The following UGT1A4 variants were observed in gnomAD, a reference collection of about 807,000 sequenced individuals.
UGT1A4 encodes UDP-glucuronosyltransferase 1A4.
Under a neutral mutation model 41.1 loss-of-function variants are expected in UGT1A4, and 32 were observed. The ratio of observed to expected loss-of-function variants is 0.78; its 90% CI spans 0.59 to 1.05. UGT1A4 has a LOEUF of 1.05. UGT1A4 is among the 50% of genes least tolerant of loss of function. UGT1A4 has a pLI of 0.00. For missense variants in UGT1A4, 748 were observed against 677.4 expected, an observed-to-expected ratio of 1.10 and a Z score of -1.16; for synonymous variants, 283 against 265.1, an observed-to-expected ratio of 1.07 and a Z score of -0.66.
intron 1 of UGT1A4, chr2:233,747,878 C>A: frequency 6.2e-7 from 1 of 1,613,056 alleles, no homozygotes; most frequent in South Asian, 1.1e-5. Context: ...CCCTGTCCTA[C>A]CTTTGCCATG....
chr2:233,749,412 T>C lies in UGT1A4; in HGVS notation c.868-17622T>C, dbSNP rs1409999979. 3.9e-5 allele frequency among the ~76,000 whole-genome samples: 6 copies of C among 151,952 alleles called. No individual in the cohort carries two copies. The East Asian group carries it at 1.2e-3, about 29-fold the overall frequency. On this transcript the variant is annotated intron_variant, in intron 1 of 4. Transcript: ENST00000373409. ...TGTGAACATATTCTCTAGTGTTAACTACATTGCTCAAAACTTCACTGTCAT... is the reference window on the plus strand; with the variant it reads ...TGTGAACATATTCTCTAGTGTTAACCACATTGCTCAAAACTTCACTGTCAT...
intron 1 of UGT1A4, among the ~76,000 whole-genome samples, chr2:233,722,881 G>T (rs2077046984): frequency 7.8e-5 from 9 of 115,512 alleles, no homozygotes; most frequent in Admixed American, 2.8e-4. Context: ...TAAATTTATT[G>T]CTCATTAAGT....
intron 1 of UGT1A4, among the ~76,000 whole-genome samples, chr2:233,731,096 C>A (rs1335372284): frequency 6.6e-6 from 1 of 151,962 alleles, no homozygotes; most frequent in African/African-American, 2.4e-5. Flanking sequence ...TATTTCTGTG[C>A]CTTTTTTATA....
At chr2:233,733,656 C>T (rs1449340604) in intron 1 of UGT1A4, among the ~76,000 whole-genome samples, 11 of 152,054 alleles carry the variant, frequency 7.2e-5, no homozygotes, top group African/African-American at 1.7e-4. Context: ...AGGATGAAGC[C>T]GACTTGATCG....
Position 233,719,190 on chromosome 2 carries a change from C to T in UGT1A4, c.370C>T (p.Leu124Phe), listed in dbSNP as rs772886660. Reference sequence around the variant, plus strand: ...AATTATGAACAATGTATCTTTGGCCCTTCATAGGTGTTGTGTGGAGCTACT... The same window carrying T: ...AATTATGAACAATGTATCTTTGGCCTTTCATAGGTGTTGTGTGGAGCTACT... ...MAIMNNVSLA[L>F]HRCCVELLHN... Residue 124 changes from leucine (L) to phenylalanine (F), a missense_variant, in exon 1 of 5, where the codon CTT (leucine) becomes TTT (phenylalanine). Coordinates refer to ENST00000373409, the MANE Select transcript of UGT1A4 (RefSeq NM_007120.3). The T allele has an allele frequency of 1.2e-6, 2 of 1,614,200 alleles. No homozygotes were observed. The highest frequency in any genetic ancestry group is 1.7e-6 in the Non-Finnish European group (2 of 1,180,028).
chr2:233,754,906 T>C, intron 1 of UGT1A4: 3 of 1,351,506 alleles, frequency 2.2e-6, no homozygotes, highest in South Asian at 1.1e-5. Flanking sequence ...CCCCCCAAAA[T>C]ATTCTCCAGC....
intron 1 of UGT1A4, among the ~76,000 whole-genome samples, chr2:233,745,064 T>C (rs1693002453): frequency 6.6e-6 from 1 of 151,912 alleles, no homozygotes; most frequent in Non-Finnish European, 1.5e-5. Flanking sequence ...TTTGTATTAT[T>C]TGTATTGTTT....
At chr2:233,761,124 C>G (rs1406825274) in intron 1 of UGT1A4, 1 of 1,614,202 alleles carries the variant, frequency 6.2e-7, no homozygotes. Flanking sequence ...GTGGAATCAA[C>G]TGCCTTCACC....
intron 1 of UGT1A4, chr2:233,747,579 G>A (rs1304501240): frequency 1.5e-5 from 24 of 1,582,358 alleles, no homozygotes; most frequent in Non-Finnish European, 2.0e-5. Context: ...TTCATCTTTG[G>A]TCTTTCATAG....
chr2:233,720,875 T>C (rs1162518067), intron 1 of UGT1A4, among the ~76,000 whole-genome samples: 2 of 150,264 alleles, frequency 1.3e-5, no homozygotes, highest in East Asian at 3.9e-4. Context: ...CTGGCAATTT[T>C]TTTTTTTTTT....
At chr2:233,747,483 C>G (rs993277218) in intron 1 of UGT1A4, 3 of 1,608,496 alleles carry the variant, frequency 1.9e-6, no homozygotes, top group Non-Finnish European at 1.7e-6. Flanking sequence ...TGAATTTGAT[C>G]GCCTTGTGCT....
At chr2:233,754,911 T>G (rs1467040876) in intron 1 of UGT1A4, 5 of 1,353,490 alleles carry the variant, frequency 3.7e-6, no homozygotes, top group Non-Finnish European at 5.0e-6. Flanking sequence ...CAAAATATTC[T>G]CCAGCGGGTT....
At position 233,769,030 on chromosome 2, in the gene UGT1A4, A is replaced by G. The variant is rs1369352074; in HGVS notation, c.1307+591A>G. 1.3e-5 allele frequency among the ~76,000 whole-genome samples: 2 copies of G among 152,206 alleles called. No homozygotes were observed. Among genetic ancestry groups the G allele is most frequent in the African/African-American group, 4.8e-5 (2 of 41,454 alleles). On this transcript the variant is annotated intron_variant, in intron 4 of 4. Transcript: ENST00000373409. The surrounding 1 kb of genome is among the most constrained non-coding windows in gnomAD (Gnocchi z 4.4). ...CCAATTTACATAAAAAGTTGCCATAATAGACATCTGATCCATAAGTTTCCT... is the reference window on the plus strand; with the variant it reads ...CCAATTTACATAAAAAGTTGCCATAGTAGACATCTGATCCATAAGTTTCCT...
In UGT1A4 at chr2:233,754,158, G is replaced by A. The variant is rs28900389; in HGVS notation, c.868-12876G>A. 9.6e-3 allele frequency: 1,492 copies of A among 156,116 alleles called. 22 individuals carry two copies. The highest frequency in any genetic ancestry group is 0.034 in the African/African-American group (1,420 of 41,562). 9.7% of individuals were successfully genotyped at this position (156,116 alleles called of 1,614,324 possible). A position where few individuals can be genotyped will look rare whatever the true frequency, so the allele number is the denominator to read the frequency against. On this transcript the variant is annotated intron_variant, in intron 1 of 4. Transcript: ENST00000373409. The stretch of plus-strand genomic sequence containing the variant: ...AAAGCCATCATTAAATTAAGCCAGA[G>A]TATTAATATATTCATAGATTTCACC...
At chr2:233,767,802 T>C in intron 2 of UGT1A4, 47 bp from the exon 3 acceptor site, 1 of 1,614,174 alleles carries the variant, frequency 6.2e-7, no homozygotes, top group East Asian at 2.2e-5. Flanking sequence ...TGTTTTCTAA[T>C]CATATTATGT....
intron 1 of UGT1A4, among the ~76,000 whole-genome samples, chr2:233,727,284 G>C (rs1269402383): frequency 2.6e-5 from 4 of 152,162 alleles, no homozygotes; most frequent in Non-Finnish European, 5.9e-5. Flanking sequence ...GACCCTGGAA[G>C]CTGATGACTT....
intron 1 of UGT1A4, chr2:233,761,270 C>T (rs990068200): frequency 1.9e-6 from 3 of 1,591,968 alleles, no homozygotes; most frequent in Non-Finnish European, 2.6e-6. Context: ...AAAATGCCCT[C>T]TTTTGTTAAT....
chr2:233,762,063 T>A (rs1697956062), intron 1 of UGT1A4, among the ~76,000 whole-genome samples: 1 of 152,180 alleles, frequency 6.6e-6, no homozygotes, highest in Non-Finnish European at 1.5e-5. Flanking sequence ...TCATAGCACA[T>A]CAAATATGGC....
At chr2:233,760,450 C>T (rs1218272105) in intron 1 of UGT1A4, 1 of 1,614,084 alleles carries the variant, frequency 6.2e-7, no homozygotes, top group East Asian at 2.2e-5. Context: ...GCAGAGGGGA[C>T]ATGAAATAGT....
Sources: allele counts gnomAD v4.1 joint callset (sites outside exome capture counted in the v4.1 genomes callset), GRCh38; gene constraint gnomAD v4.1.1; non-coding constraint Gnocchi (gnomAD v3.1); transcripts MANE v1.5; gene names NCBI Gene and HGNC (gene_info 2026-07-23, HGNC 2026-07-21).